OXR1: variants seen among roughly 807,000 people sequenced by gnomAD.
The protein encoded by OXR1 is oxidation resistance 1.
OXR1 carries 41 observed loss-of-function variants against 104.6 expected under a neutral mutation model. That is an observed-to-expected ratio of 0.39 (90% CI 0.31 to 0.51). The LOEUF is 0.51. Ranked by LOEUF, OXR1 falls within the 20% of genes least tolerant of loss-of-function variation. The probability of loss-of-function intolerance (pLI) is 0.77; values close to 1 mark genes in which losing one functional copy is unlikely to be tolerated. For missense variants in OXR1, 955 were observed against 1,031.9 expected (o/e 0.93, Z 1.02); for synonymous variants, 348 against 348.4 (o/e 1.00, Z 0.01).
At chr8:106,386,366 G>C (rs189237706) in intron 2 of OXR1, among the ~76,000 whole-genome samples, 4 of 152,294 alleles carry the variant, frequency 2.6e-5, no homozygotes, top group Admixed American at 2.0e-4. Flanking sequence ...GAATAGGGTA[G>C]AGAGGAGATC....
chr8:106,321,086 G>T (rs1251958724), intron 1 of OXR1, among the ~76,000 whole-genome samples: 1 of 152,138 alleles, frequency 6.6e-6, no homozygotes, highest in African/African-American at 2.4e-5. Flanking sequence ...CATGTAACAA[G>T]AGCAAATGTT....
chr8:106,603,314 T>G (rs112827291), intron 3 of OXR1, among the ~76,000 whole-genome samples: 3,773 of 152,300 alleles, frequency 0.025, 162 homozygotes, highest in African/African-American at 0.087. Context: ...GATGCTGTCC[T>G]TATATACAAA....
At chr8:106,579,749 T>C (rs1818102431) in intron 3 of OXR1, among the ~76,000 whole-genome samples, 1 of 152,190 alleles carries the variant, frequency 6.6e-6, no homozygotes, top group Non-Finnish European at 1.5e-5. Context: ...ACTTTTTTTT[T>C]TTAATCACTA....
intron 3 of OXR1, among the ~76,000 whole-genome samples, chr8:106,579,124 T>A: frequency 6.6e-6 from 1 of 152,136 alleles, no homozygotes; most frequent in Non-Finnish European, 1.5e-5. Context: ...CTATTTTGAT[T>A]ATACCCTTCT....
At chr8:106,531,471 A>C (rs1440368434) in intron 3 of OXR1, among the ~76,000 whole-genome samples, 1 of 152,108 alleles carries the variant, frequency 6.6e-6, no homozygotes, top group Non-Finnish European at 1.5e-5. Flanking sequence ...GTGTTGCTTA[A>C]ATTTTCATAC....
chr8:106,463,917 A>G lies in OXR1; in HGVS notation c.24-55026A>G, dbSNP rs182159650. ...GACTTATCTGTGTAGCACAGAGTCA[A>G]TTATTGCTCAGAGCCTCAGTTTCTT... On this transcript the variant is annotated intron_variant, in intron 2 of 16. Transcript: ENST00000517566. 2.3e-3 allele frequency among the ~76,000 whole-genome samples: 356 copies of G among 152,192 alleles called. 3 individuals carry two copies. The highest frequency in any genetic ancestry group is 3.6e-3 in the Admixed American group (55 of 15,258).
intron 3 of OXR1, among the ~76,000 whole-genome samples, chr8:106,662,789 A>G (rs1445907327): frequency 6.6e-6 from 1 of 152,114 alleles, no homozygotes; most frequent in African/African-American, 2.4e-5. Context: ...TGGGGGGTGT[A>G]AAATATCATG....
At chr8:106,660,837 AC>A (rs1346103071) in intron 3 of OXR1, among the ~76,000 whole-genome samples, 1 of 151,412 alleles carries the variant, frequency 6.6e-6, no homozygotes, top group Middle Eastern at 3.2e-3. Flanking sequence ...ACACGGTGAA[AC>A]CCTGTCTCTA....
At chr8:106,618,023 G>A in intron 3 of OXR1, 1 of 1,510,472 alleles carries the variant, frequency 6.6e-7, no homozygotes, top group Admixed American at 2.0e-5. Context: ...CAGGGGTCAG[G>A]GACCGGGCGG....
rs866524310 is a variant in OXR1 at position 106,339,537 on chromosome 8, T to A, written c.-138-19939T>A. On this transcript the variant is annotated intron_variant, in intron 1 of 16. Transcript: ENST00000517566. ...AAAAAAAAATATATATATATATATA[T>A]ATATATATATATATATATAAAACGA... is the stretch of plus-strand genomic sequence containing the variant. Among the ~76,000 whole-genome samples the A allele has an allele frequency of 1.3e-3, 136 of 101,056 alleles. 2 individuals carry two copies. Among genetic ancestry groups the A allele is most frequent in the African/African-American group, 4.3e-3 (89 of 20,608 alleles). The allele number at this position is 101,056 out of a possible 152,430, so 66.3% of individuals were successfully genotyped here.
At chr8:106,577,052 G>T (rs1455588317) in intron 3 of OXR1, among the ~76,000 whole-genome samples, 1 of 152,062 alleles carries the variant, frequency 6.6e-6, no homozygotes, top group Non-Finnish European at 1.5e-5. Flanking sequence ...TTAAATGTAT[G>T]AGCTTTAATA....
chr8:106,278,123 T>G (rs771105888), intron 1 of OXR1, among the ~76,000 whole-genome samples: 1 of 152,216 alleles, frequency 6.6e-6, no homozygotes, highest in Non-Finnish European at 1.5e-5. Context: ...TTTCCAATGA[T>G]TGATCTGAAT....
At chr8:106,437,706 C>T (rs1270229787) in intron 2 of OXR1, among the ~76,000 whole-genome samples, 1 of 152,124 alleles carries the variant, frequency 6.6e-6, no homozygotes, top group Admixed American at 6.6e-5. Context: ...TCCAACAACC[C>T]TCTTATATAA....
chr8:106,354,976 T>C (rs1404815020), intron 1 of OXR1, among the ~76,000 whole-genome samples: 3 of 152,050 alleles, frequency 2.0e-5, no homozygotes, highest in African/African-American at 7.2e-5. Context: ...CAATAATCCA[T>C]TGTTGTATTC....
chr8:106,625,891 T>A (rs1822109844), intron 3 of OXR1, among the ~76,000 whole-genome samples: 1 of 152,120 alleles, frequency 6.6e-6, no homozygotes, highest in Non-Finnish European at 1.5e-5. Flanking sequence ...TATATATGTC[T>A]TTTTAGGAAT....
At chr8:106,559,584 C>T (rs1816529008) in intron 3 of OXR1, among the ~76,000 whole-genome samples, 1 of 152,104 alleles carries the variant, frequency 6.6e-6, no homozygotes, top group Non-Finnish European at 1.5e-5. Context: ...ACTGTAAAAC[C>T]ATAGACTATA....
intron 6 of OXR1, among the ~76,000 whole-genome samples, chr8:106,692,172 G>T (rs1829372072): frequency 6.6e-6 from 1 of 151,946 alleles, no homozygotes; most frequent in East Asian, 1.9e-4. Context: ...AGAATGGTCA[G>T]TAGCACCAAA....
chr8:106,703,119 A>G, intron 8 of OXR1, 29 bp downstream of exon 8: 2 of 1,460,666 alleles, frequency 1.4e-6, no homozygotes, highest in Non-Finnish European at 1.9e-6. Flanking sequence ...TTCCTTTGCA[A>G]CTTTATTGTA....
intron 6 of OXR1, among the ~76,000 whole-genome samples, chr8:106,686,303 A>G (rs1828714897): frequency 6.8e-6 from 1 of 146,070 alleles, no homozygotes; most frequent in Non-Finnish European, 1.5e-5. Flanking sequence ...AAAAAAAAAA[A>G]GAGGTAAGAG....
Sources: allele counts gnomAD v4.1 joint callset (sites outside exome capture counted in the v4.1 genomes callset), GRCh38; gene constraint gnomAD v4.1.1; transcripts MANE v1.5; gene names NCBI Gene and HGNC (gene_info 2026-07-23, HGNC 2026-07-21).